HACD2: variants seen among roughly 807,000 people sequenced by gnomAD.
HACD2 encodes the protein 3-hydroxyacyl-CoA dehydratase 2.
HACD2 carries 15 observed loss-of-function variants against 31.0 expected under a neutral mutation model. That is an observed-to-expected ratio of 0.48 (90% CI 0.32 to 0.75). The LOEUF (loss-of-function observed/expected upper bound fraction) is 0.75, where lower values mean the gene tolerates loss of function less well. Ranked by LOEUF, HACD2 falls within the 30% of genes least tolerant of loss-of-function variation. HACD2 has a pLI of 0.03. For synonymous variants in HACD2, 115 were observed against 122.2 expected, an observed-to-expected ratio of 0.94 and a Z score of 0.39; for missense variants, 283 against 313.0, an observed-to-expected ratio of 0.90 and a Z score of 0.72.
chr3:123,517,743 T>C (rs2056155938), intron 4 of HACD2, among the ~76,000 whole-genome samples: 1 of 152,188 alleles, frequency 6.6e-6, no homozygotes, highest in Non-Finnish European at 1.5e-5. Flanking sequence ...TTGTGAAATG[T>C]CATGGTTCTT....
chr3:123,542,632 C>T (rs1237064962), intron 3 of HACD2, among the ~76,000 whole-genome samples: 1 of 152,206 alleles, frequency 6.6e-6, no homozygotes, highest in African/African-American at 2.4e-5. Flanking sequence ...TCGACACAGA[C>T]ATTGGTTGAA....
chr3:123,575,740 G>A (rs1476884717), intron 2 of HACD2, among the ~76,000 whole-genome samples: 3 of 152,072 alleles, frequency 2.0e-5, no homozygotes, highest in African/African-American at 7.2e-5. Flanking sequence ...CCTACTACAC[G>A]GGGATTTTTT....
intron 3 of HACD2, among the ~76,000 whole-genome samples, chr3:123,539,709 T>C (rs2056465778): frequency 6.6e-6 from 1 of 151,940 alleles, no homozygotes; most frequent in East Asian, 1.9e-4. Context: ...TTGAGGTGGA[T>C]CACAAACTTG....
chr3:123,548,644 A>G (rs185566765), intron 3 of HACD2, among the ~76,000 whole-genome samples: 57 of 152,048 alleles, frequency 3.7e-4, no homozygotes, highest in African/African-American at 1.3e-3. Flanking sequence ...TCTTTTTGAG[A>G]TGGGGTCTCG....
At chr3:123,551,435 A>T (rs1331561696) in intron 3 of HACD2, among the ~76,000 whole-genome samples, 1 of 152,068 alleles carries the variant, frequency 6.6e-6, no homozygotes, top group Non-Finnish European at 1.5e-5. Flanking sequence ...CCTGGCCAAC[A>T]TGGTGAATCC....
chr3:123,550,629 G>A (rs774091280), intron 3 of HACD2, among the ~76,000 whole-genome samples: 3 of 152,214 alleles, frequency 2.0e-5, no homozygotes, highest in South Asian at 2.1e-4. Flanking sequence ...GAAACTGGTA[G>A]TGCCACTAGC....
intron 3 of HACD2, among the ~76,000 whole-genome samples, chr3:123,559,663 TG>T (rs1576227288): frequency 6.6e-6 from 1 of 152,230 alleles, no homozygotes; most frequent in Non-Finnish European, 1.5e-5. Flanking sequence ...TCTGACGGAC[TG>T]GACAGCCAGC....
chr3:123,577,219 T>C (rs554350370), intron 2 of HACD2, among the ~76,000 whole-genome samples: 1 of 152,304 alleles, frequency 6.6e-6, no homozygotes, highest in African/African-American at 2.4e-5. Context: ...TGTACATATG[T>C]TGAAGATAGC....
At chr3:123,544,319 G>A (rs1352462795) in intron 3 of HACD2, among the ~76,000 whole-genome samples, 1 of 152,154 alleles carries the variant, frequency 6.6e-6, no homozygotes, top group Non-Finnish European at 1.5e-5. Flanking sequence ...AAATTTAACT[G>A]GAGAGGTGGA....
chr3:123,584,671 C>G (rs949582659), intron 1 of HACD2: 1 of 405,754 alleles, frequency 2.5e-6, no homozygotes. Flanking sequence ...CGACCCCCAG[C>G]GCAGGAGGGA....
At chr3:123,563,352 G>C (rs1251259545) in intron 3 of HACD2, among the ~76,000 whole-genome samples, 1 of 152,202 alleles carries the variant, frequency 6.6e-6, no homozygotes, top group African/African-American at 2.4e-5. Flanking sequence ...AGAGAGCAGA[G>C]CCTGGGCACA....
intron 6 of HACD2, among the ~76,000 whole-genome samples, chr3:123,497,809 G>T (rs1330134671): frequency 6.6e-6 from 1 of 152,156 alleles, no homozygotes; most frequent in Non-Finnish European, 1.5e-5. Context: ...CACAATTTAG[G>T]CTATGTGTGC....
intron 4 of HACD2, among the ~76,000 whole-genome samples, chr3:123,523,471 G>A (rs1449131430): frequency 6.6e-6 from 1 of 152,070 alleles, no homozygotes; most frequent in Non-Finnish European, 1.5e-5. Flanking sequence ...TAGCAGACAG[G>A]GCAGATATTA....
At chr3:123,562,880 C>A (rs1395270632) in intron 3 of HACD2, among the ~76,000 whole-genome samples, 1 of 152,158 alleles carries the variant, frequency 6.6e-6, no homozygotes, top group Non-Finnish European at 1.5e-5. Context: ...AAAAATAAAC[C>A]ATCATTCCAC....
At chr3:123,496,017 A>C (rs1003614786) in intron 6 of HACD2, among the ~76,000 whole-genome samples, 1 of 152,030 alleles carries the variant, frequency 6.6e-6, no homozygotes, top group Non-Finnish European at 1.5e-5. Flanking sequence ...CAACAGCTCC[A>C]ATCTCTATTT....
chr3:123,571,066 CTGATTTTCAA>C (rs2056850902), intron 2 of HACD2, among the ~76,000 whole-genome samples: 1 of 152,148 alleles, frequency 6.6e-6, no homozygotes, highest in East Asian at 1.9e-4. Flanking sequence ...AATCTCAAAA[CTGATTTTCAA>C]TGATTTTCAC....
chr3:123,538,198 C>T (rs1467592549), intron 3 of HACD2, among the ~76,000 whole-genome samples: 1 of 152,088 alleles, frequency 6.6e-6, no homozygotes, highest in Non-Finnish European at 1.5e-5. Flanking sequence ...TTGCAGCTCC[C>T]GACCACCCCC....
intron 4 of HACD2, among the ~76,000 whole-genome samples, chr3:123,514,802 G>C (rs988745084): frequency 6.6e-6 from 1 of 152,204 alleles, no homozygotes; most frequent in Non-Finnish European, 1.5e-5. Context: ...TGATGATTAA[G>C]ATAATGATAG....
At chr3:123,581,283 C>A (rs915072072) in intron 2 of HACD2, among the ~76,000 whole-genome samples, 3 of 152,096 alleles carry the variant, frequency 2.0e-5, no homozygotes, top group Non-Finnish European at 2.9e-5. Context: ...CGAACTATGG[C>A]GGCTATTGAT....
Sources: gnomAD v4.1 joint callset for allele counts (sites outside exome capture counted in the v4.1 genomes callset) on GRCh38, gnomAD v4.1.1 for gene constraint, MANE v1.5 for transcripts, NCBI Gene and HGNC (gene_info 2026-07-23, HGNC 2026-07-21) for gene names.